Variants in PPFIBP2 observed in about 807,000 individuals in gnomAD.
The protein encoded by PPFIBP2 is liprin-beta-2.
Under a neutral mutation model 118.3 loss-of-function variants are expected in PPFIBP2, and 118 were observed. The observed-to-expected ratio is 1.00, with a 90% CI of 0.86 to 1.16. PPFIBP2 has a LOEUF of 1.16. Ranked by LOEUF, PPFIBP2 falls within the 50% of genes most tolerant of loss-of-function variation. The pLI is 0.00. For synonymous variants in PPFIBP2, 414 were observed against 397.4 expected, an observed-to-expected ratio of 1.04 and a Z score of -0.50; for missense variants, 1,195 against 1,073.1, an observed-to-expected ratio of 1.11 and a Z score of -1.59.
At chr11:7,652,915 CAT>C (rs1371100325) in intron 23 of PPFIBP2, 107 bp from the exon 24 acceptor site, 4 of 1,284,984 alleles carry the variant, frequency 3.1e-6, no homozygotes, top group African/African-American at 3.0e-5. Flanking sequence ...GAGCAGTTTA[CAT>C]TATTCCTCTC....
At chr11:7,538,938 GAACCTT>G (rs1301621097) in intron 1 of PPFIBP2, among the ~76,000 whole-genome samples, 7 of 152,178 alleles carry the variant, frequency 4.6e-5, no homozygotes, top group Non-Finnish European at 8.8e-5. Context: ...TTGAAACAAG[GAACCTT>G]GTATGCGCCA....
chr11:7,571,815 T>G (rs949417783), intron 3 of PPFIBP2: 1 of 152,226 alleles, frequency 6.6e-6, no homozygotes, highest in African/African-American at 2.4e-5. Context: ...TCAGTGGTGG[T>G]TCTTTGTCCC....
At position 7,549,424 on chromosome 11, in the gene PPFIBP2, G is replaced by A; in HGVS notation, c.-36-16G>A. ...CTCTCTGTAATTTTTCCTTTGTTCTGTATTTGAATTTTCAGTAAGAAGAGG... is the reference window on the plus strand; with the variant it reads ...CTCTCTGTAATTTTTCCTTTGTTCTATATTTGAATTTTCAGTAAGAAGAGG... On this transcript the variant is annotated splice_polypyrimidine_tract_variant and intron_variant, in intron 1 of 23. Coordinates refer to ENST00000299492, the MANE Select transcript of PPFIBP2 (RefSeq NM_003621.5). 1.3e-6 allele frequency: 2 copies of A among 1,549,576 alleles called. No homozygotes were observed. Among genetic ancestry groups the A allele is most frequent in the Non-Finnish European group, 1.7e-6 (2 of 1,145,112 alleles).
At position 7,641,148 on chromosome 11, in the gene PPFIBP2, C is replaced by T. The variant is rs77076840; in HGVS notation, c.1376-331C>T. ...AACCCTCCCCTTCACCAGCACTCAG[C>T]CAGGGACCCACTACTGCCTGCGTTC... On this transcript the variant is annotated intron_variant, in intron 15 of 23. Transcript: ENST00000299492. The T allele has an allele frequency of 8.2e-4, 941 of 1,145,572 alleles. 10 individuals carry two copies. In the African/African-American group the frequency reaches 0.013, roughly 15 times the overall value. 71.0% of individuals were successfully genotyped at this position (1,145,572 alleles called of 1,614,324 possible).
chr11:7,596,458 A>G (rs990318565), intron 4 of PPFIBP2, among the ~76,000 whole-genome samples: 3 of 151,848 alleles, frequency 2.0e-5, no homozygotes, highest in African/African-American at 7.3e-5. Flanking sequence ...AACTCCAGGA[A>G]TATGTTTCAA....
At chr11:7,551,034 T>TATATCTATAGATATAG (rs140249197) in intron 2 of PPFIBP2, among the ~76,000 whole-genome samples, 3 of 152,154 alleles carry the variant, frequency 2.0e-5, no homozygotes, top group South Asian at 2.1e-4. Flanking sequence ...CCTTTATATC[T>TATATCTATAGATATAG]ATATCTATAG....
intron 5 of PPFIBP2, chr11:7,605,730 G>A: frequency 7.4e-7 from 1 of 1,347,754 alleles, no homozygotes; most frequent in Non-Finnish European, 9.5e-7. Flanking sequence ...AGTAACTAGT[G>A]GCCGCAGAAG....
At chr11:7,622,322 A>G (rs1274286042) in intron 7 of PPFIBP2, among the ~76,000 whole-genome samples, 1 of 152,214 alleles carries the variant, frequency 6.6e-6, no homozygotes, top group Non-Finnish European at 1.5e-5. Context: ...TGAGAAATCT[A>G]TCCCCATGAT....
chr11:7,592,575 A>C (rs1163731111), intron 3 of PPFIBP2, among the ~76,000 whole-genome samples: 1 of 152,056 alleles, frequency 6.6e-6, no homozygotes, highest in Non-Finnish European at 1.5e-5. Flanking sequence ...GTGGGAAGGG[A>C]CGTGTGAATG....
At chr11:7,563,206 A>G (rs985852661) in intron 2 of PPFIBP2, among the ~76,000 whole-genome samples, 1 of 152,090 alleles carries the variant, frequency 6.6e-6, no homozygotes, top group African/African-American at 2.4e-5. Context: ...CATTTATGAA[A>G]TACTTAAACT....
chr11:7,597,471 G>T, intron 4 of PPFIBP2, 89 bp from the exon 5 acceptor site: 1 of 1,530,236 alleles, frequency 6.5e-7, no homozygotes. Context: ...AGTCAGTGGT[G>T]AGATTTAACG....
At chr11:7,590,631 T>C (rs1859082422) in intron 3 of PPFIBP2, among the ~76,000 whole-genome samples, 1 of 152,206 alleles carries the variant, frequency 6.6e-6, no homozygotes, top group Non-Finnish European at 1.5e-5. Context: ...TGTAAGAAAC[T>C]CAAACATTAT....
At chr11:7,541,984 G>A (rs1047876765) in intron 1 of PPFIBP2, among the ~76,000 whole-genome samples, 12 of 152,108 alleles carry the variant, frequency 7.9e-5, no homozygotes, top group Admixed American at 3.3e-4. Context: ...AATTCATTAC[G>A]GTCTGAGTCA....
the PPFIBP2 span, among the ~76,000 whole-genome samples, chr11:7,663,508 C>G: frequency 6.6e-6 from 1 of 152,318 alleles, no homozygotes; most frequent in African/African-American, 2.4e-5. Flanking sequence ...TGCCCGTTCT[C>G]AGATCTGCAG....
At position 7,653,125 on chromosome 11, in the gene PPFIBP2, T is replaced by C. The variant is rs1854305814; in HGVS notation, c.2538T>C (p.Ser846=). 6.2e-7 allele frequency: 1 copy of C among 1,614,086 alleles called. No individual in the cohort carries two copies. The highest frequency in any genetic ancestry group is 8.5e-7 in the Non-Finnish European group (1 of 1,180,032). ...ICPMEPSDGV[S]DSHRVYSGYR... ...CAATGGAGCCCAGTGACGGTGTCAG[T>C]GATAGTCACAGGGTCTACAGTGGCT... The change falls in exon 24 of 24, where the codon AGT becomes AGC. Residue 846 remains serine, a synonymous_variant. Transcript: ENST00000299492.
chr11:7,567,849 G>T (rs1230549634), intron 3 of PPFIBP2, among the ~76,000 whole-genome samples: 1 of 152,136 alleles, frequency 6.6e-6, no homozygotes, highest in Non-Finnish European at 1.5e-5. Context: ...CAGACTATGG[G>T]CTCCCATCTC....
chr11:7,593,359 CTT>C, intron 4 of PPFIBP2, 135 bp downstream of exon 4: 1 of 1,314,676 alleles, frequency 7.6e-7, no homozygotes, highest in Non-Finnish European at 1.0e-6. Context: ...TTAGAAAAGA[CTT>C]TTCCTGAAAT....
chr11:7,533,195 C>T (rs780501585), intron 1 of PPFIBP2, among the ~76,000 whole-genome samples: 11 of 152,126 alleles, frequency 7.2e-5, no homozygotes, highest in Non-Finnish European at 1.2e-4. Context: ...CAGGCCCAAG[C>T]GTAAGTTCCC....
intron 3 of PPFIBP2, among the ~76,000 whole-genome samples, chr11:7,585,434 C>G (rs1256089824): frequency 6.6e-6 from 1 of 152,196 alleles, no homozygotes; most frequent in African/African-American, 2.4e-5. Flanking sequence ...TTTGACTACT[C>G]TGGAACCAAC....
Sources: gnomAD v4.1 joint callset for allele counts (sites outside exome capture counted in the v4.1 genomes callset) on GRCh38, gnomAD v4.1.1 for gene constraint, MANE v1.5 for transcripts, NCBI Gene and HGNC (gene_info 2026-07-23, HGNC 2026-07-21) for gene names.